Variants in GNA12 observed in about 807,000 individuals in gnomAD.
GNA12 encodes G protein subunit alpha 12.
GNA12 carries 9 observed loss-of-function variants against 26.0 expected under a neutral mutation model. That is an observed-to-expected ratio of 0.35 (90% CI 0.21 to 0.60). The LOEUF (loss-of-function observed/expected upper bound fraction) is 0.60, where lower values mean the gene tolerates loss of function less well. Ranked by LOEUF, GNA12 falls within the 20% of genes least tolerant of loss-of-function variation. The probability of loss-of-function intolerance (pLI) is 0.78; values close to 1 mark genes in which losing one functional copy is unlikely to be tolerated. For synonymous variants in GNA12, 264 were observed against 219.6 expected (o/e 1.20, Z -1.79); for missense variants, 405 against 525.8 (o/e 0.77, Z 2.25).
chr7:2,732,611 C>CA (rs1178977784), intron 3 of GNA12, among the ~76,000 whole-genome samples: 2 of 152,114 alleles, frequency 1.3e-5, no homozygotes, highest in Non-Finnish European at 2.9e-5. Flanking sequence ...GTGCACACAC[C>CA]ACTCAGGCAG....
chr7:2,794,861 A>C, intron 2 of GNA12, 67 bp downstream of exon 2: 1 of 1,134,576 alleles, frequency 8.8e-7, no homozygotes, highest in Non-Finnish European at 1.3e-6. Context: ...AAATTCAACT[A>C]ACGGTCCAAA....
At position 2,783,624 on chromosome 7, in the gene GNA12, C is replaced by A. The variant is rs76746389; in HGVS notation, c.525+11304G>T. ...TTTCGCCTGGTGGTGCTTTACAATC[C>A]TGTCAGTGCTTAGAGGCTGTAACAC... On this transcript the variant is annotated intron_variant, in intron 2 of 3. Coordinates refer to ENST00000275364, the MANE Select transcript of GNA12 (RefSeq NM_007353.3). Among the ~76,000 whole-genome samples the A allele has an allele frequency of 7.0e-3, 1,058 of 151,324 alleles. 9 individuals are homozygous for A. Among genetic ancestry groups the A allele is most frequent in the African/African-American group, 0.019 (772 of 41,156 alleles).
chr7:2,834,140 GCCA>G (rs1778762235), intron 1 of GNA12, among the ~76,000 whole-genome samples: 1 of 152,200 alleles, frequency 6.6e-6, no homozygotes, highest in Admixed American at 6.5e-5. Context: ...TCCAAAGAAA[GCCA>G]CCACATTACA....
At chr7:2,832,148 C>T (rs1356299882) in intron 1 of GNA12, among the ~76,000 whole-genome samples, 1 of 152,198 alleles carries the variant, frequency 6.6e-6, no homozygotes, top group East Asian at 1.9e-4. Flanking sequence ...ATGTGTTCAT[C>T]CATCTTATGG....
chr7:2,824,960 C>T (rs569262745), intron 1 of GNA12, among the ~76,000 whole-genome samples: 2 of 152,188 alleles, frequency 1.3e-5, no homozygotes, highest in African/African-American at 4.8e-5. Flanking sequence ...AGGGAGGAGG[C>T]CCCTCTCCCT....
chr7:2,806,013 G>A (rs909820906), intron 1 of GNA12, among the ~76,000 whole-genome samples: 1 of 152,192 alleles, frequency 6.6e-6, no homozygotes, highest in Non-Finnish European at 1.5e-5. Context: ...TGTTGCAATT[G>A]TAATATTTTG....
intron 1 of GNA12, among the ~76,000 whole-genome samples, chr7:2,818,773 A>C (rs76817641): frequency 6.6e-6 from 1 of 151,464 alleles, no homozygotes; most frequent in Non-Finnish European, 1.5e-5. Flanking sequence ...AAAAAAAAAA[A>C]AAGCAAAGGA....
intron 2 of GNA12, among the ~76,000 whole-genome samples, chr7:2,739,278 G>A (rs1038507299): frequency 6.6e-6 from 1 of 152,134 alleles, no homozygotes; most frequent in Non-Finnish European, 1.5e-5. Flanking sequence ...CCTATCAGCC[G>A]CCACTCCCAC....
At chr7:2,762,956 A>G (rs1467715074) in intron 2 of GNA12, 1 of 1,366,884 alleles carries the variant, frequency 7.3e-7, no homozygotes, top group African/African-American at 1.5e-5. Context: ...GGCCCGTGCC[A>G]GGGTCTCCTG....
intron 2 of GNA12, among the ~76,000 whole-genome samples, chr7:2,749,772 C>T (rs972474801): frequency 6.6e-6 from 1 of 152,024 alleles, no homozygotes; most frequent in African/African-American, 2.4e-5. Context: ...TTAAAATTTA[C>T]TGGATGAACT....
chr7:2,738,965 T>C (rs1443640865), intron 2 of GNA12, among the ~76,000 whole-genome samples: 2 of 152,138 alleles, frequency 1.3e-5, no homozygotes, highest in African/African-American at 4.8e-5. Flanking sequence ...TCTCCAAGCC[T>C]GGCACACAGC....
intron 2 of GNA12, among the ~76,000 whole-genome samples, chr7:2,773,435 AT>A (rs1363096570): frequency 6.6e-6 from 1 of 152,086 alleles, no homozygotes; most frequent in African/African-American, 2.4e-5. Flanking sequence ...GGTGGTGGGC[AT>A]CTGTAATCCC....
chr7:2,742,518 T>C (rs208353), intron 2 of GNA12, among the ~76,000 whole-genome samples: 143,378 of 152,260 alleles, frequency 0.94, 67,609 homozygotes, highest in East Asian at 1. Context: ...TCACAGACGC[T>C]GTCATTTTCC....
intron 2 of GNA12, among the ~76,000 whole-genome samples, chr7:2,792,376 G>C (rs183021099): frequency 1.3e-4 from 20 of 152,306 alleles, no homozygotes; most frequent in Middle Eastern, 3.4e-3. Context: ...GACAATACAA[G>C]GGCTTGACTT....
chr7:2,820,106 G>A (rs1345951223), intron 1 of GNA12, among the ~76,000 whole-genome samples: 1 of 152,188 alleles, frequency 6.6e-6, no homozygotes, highest in East Asian at 1.9e-4. Flanking sequence ...TAAGAAGTCC[G>A]TCGCAGAAGA....
At chr7:2,735,669 G>A (rs1790134020) in intron 2 of GNA12, among the ~76,000 whole-genome samples, 1 of 152,174 alleles carries the variant, frequency 6.6e-6, no homozygotes, top group South Asian at 2.1e-4. Context: ...AATGAGGATG[G>A]CTCATTTAAC....
chr7:2,766,387 CT>C (rs71026553), intron 2 of GNA12, among the ~76,000 whole-genome samples: 43,784 of 131,646 alleles, frequency 0.33, 6,775 homozygotes, highest in Admixed American at 0.41. Flanking sequence ...TTGCTTCCGC[CT>C]TTTTTTTTTT....
Position 2,753,716 on chromosome 7 carries a change from C to T in GNA12, c.526-20215G>A, listed in dbSNP as rs185259462. Among the ~76,000 whole-genome samples the T allele has an allele frequency of 1.1e-4, 16 of 152,206 alleles. No homozygotes were observed. The East Asian group carries it at 2.3e-3, about 22-fold the overall frequency. ...GGTAAATGCCCAGGAGTGTGACTGCCGGGCTGTATAAGTGTATGTTTAATT... is the reference window on the plus strand; with the variant it reads ...GGTAAATGCCCAGGAGTGTGACTGCTGGGCTGTATAAGTGTATGTTTAATT... On this transcript the variant is annotated intron_variant, in intron 2 of 3. Coordinates refer to ENST00000275364, the MANE Select transcript of GNA12 (RefSeq NM_007353.3).
chr7:2,756,960 GC>G (rs1454714135), intron 2 of GNA12, among the ~76,000 whole-genome samples: 1 of 152,024 alleles, frequency 6.6e-6, no homozygotes, highest in African/African-American at 2.4e-5. Context: ...TGTAGTTCCA[GC>G]TACTCAGGAG....
Sources: gnomAD v4.1 joint callset for allele counts (sites outside exome capture counted in the v4.1 genomes callset) on GRCh38, gnomAD v4.1.1 for gene constraint, MANE v1.5 for transcripts, NCBI Gene and HGNC (gene_info 2026-07-23, HGNC 2026-07-21) for gene names.